PTPRO: variants seen among roughly 807,000 people sequenced by gnomAD.
The protein encoded by PTPRO is receptor-type tyrosine-protein phosphatase O.
A neutral mutation model predicts 145.2 loss-of-function variants in PTPRO; 62 were observed. The ratio of observed to expected loss-of-function variants is 0.43; its 90% CI spans 0.35 to 0.53. PTPRO has a LOEUF of 0.53. PTPRO is among the 20% of genes least tolerant of loss of function. The pLI is 0.01. For synonymous variants in PTPRO, 565 were observed against 514.7 expected, an observed-to-expected ratio of 1.10 and a Z score of -1.32; for missense variants, 1,345 against 1,482.7, an observed-to-expected ratio of 0.91 and a Z score of 1.53.
intron 1 of PTPRO, among the ~76,000 whole-genome samples, chr12:15,399,912 G>A (rs774200188): frequency 5.5e-4 from 83 of 151,168 alleles, no homozygotes; most frequent in Non-Finnish European, 1.0e-3. Context: ...TTAGACGGGC[G>A]TGTTGGCGCA....
chr12:15,331,492 T>G (rs960419753), intron 1 of PTPRO, among the ~76,000 whole-genome samples: 3 of 152,226 alleles, frequency 2.0e-5, no homozygotes, highest in African/African-American at 7.2e-5. Flanking sequence ...TGGATTCCCT[T>G]TTGTTCATCT....
chr12:15,507,442 T>TAAAG (rs1942344647), intron 6 of PTPRO, among the ~76,000 whole-genome samples: 1 of 104,776 alleles, frequency 9.5e-6, no homozygotes, highest in Admixed American at 8.8e-5. Flanking sequence ...AATAAATAAA[T>TAAAG]AAATAAATAA....
chr12:15,398,009 C>T (rs1321869586), intron 1 of PTPRO, among the ~76,000 whole-genome samples: 2 of 152,134 alleles, frequency 1.3e-5, no homozygotes, highest in East Asian at 3.9e-4. Flanking sequence ...CAAGTCAAAA[C>T]CAGTGTCCCC....
chr12:15,370,825 C>T (rs941840407), intron 1 of PTPRO, among the ~76,000 whole-genome samples: 2 of 152,022 alleles, frequency 1.3e-5, no homozygotes, highest in Non-Finnish European at 2.9e-5. Context: ...AAAGCAAATG[C>T]AATTGTACCT....
At position 15,597,759 on chromosome 12, in the gene PTPRO, C is replaced by T. The variant is rs1944686745; in HGVS notation, c.*1686C>T. Among the ~76,000 whole-genome samples, 1 of 152,212 alleles carries T rather than the reference C, an allele frequency of 6.6e-6. No homozygotes were observed. Among genetic ancestry groups the T allele is most frequent in the Admixed American group, 6.5e-5 (1 of 15,284 alleles). On this transcript the variant is annotated 3_prime_UTR_variant, in exon 27 of 27. Coordinates refer to ENST00000281171, the MANE Select transcript of PTPRO (RefSeq NM_030667.3). Reference sequence around the variant, plus strand: ...GGGGTTGTCAGTTCCTACTCACCTCCCTGCTACCACCTCCTCCTCTTCTTC... The same window carrying T: ...GGGGTTGTCAGTTCCTACTCACCTCTCTGCTACCACCTCCTCCTCTTCTTC...
intron 1 of PTPRO, chr12:15,346,624 G>T (rs919546595): frequency 6.6e-6 from 1 of 152,182 alleles, no homozygotes; most frequent in African/African-American, 2.4e-5. Context: ...ATACCGAATG[G>T]TCTATTTGGT....
chr12:15,412,212 C>T (rs1392100324), intron 1 of PTPRO, among the ~76,000 whole-genome samples: 1 of 152,080 alleles, frequency 6.6e-6, no homozygotes, highest in Admixed American at 6.5e-5. Context: ...CTAAGGGCTA[C>T]TCCTCCTTTT....
chr12:15,530,114 T>C (rs531259829), intron 12 of PTPRO, among the ~76,000 whole-genome samples: 1 of 152,170 alleles, frequency 6.6e-6, no homozygotes, highest in Non-Finnish European at 1.5e-5. Flanking sequence ...AAATCTAGAA[T>C]TGTAAAAACA....
At chr12:15,445,135 T>C (rs1940868558) in intron 1 of PTPRO, among the ~76,000 whole-genome samples, 1 of 152,154 alleles carries the variant, frequency 6.6e-6, no homozygotes, top group Non-Finnish European at 1.5e-5. Flanking sequence ...CCCACTTTTA[T>C]TAAAGAACAA....
intron 1 of PTPRO, among the ~76,000 whole-genome samples, chr12:15,361,048 T>C (rs868205584): frequency 2.0e-5 from 3 of 150,998 alleles, no homozygotes; most frequent in Admixed American, 1.3e-4. Flanking sequence ...CATATACAAA[T>C]ATAAGAGAAA....
intron 7 of PTPRO, among the ~76,000 whole-genome samples, chr12:15,512,597 A>C (rs1942465121): frequency 6.6e-6 from 1 of 152,262 alleles, no homozygotes; most frequent in Non-Finnish European, 1.5e-5. Context: ...TTTTACAATA[A>C]GCATATATGT....
At chr12:15,551,760 AT>A in intron 15 of PTPRO, 89 bp downstream of exon 15, 2 of 1,402,628 alleles carry the variant, frequency 1.4e-6, no homozygotes, top group Non-Finnish European at 2.0e-6. Flanking sequence ...CCTAAGTTGT[AT>A]AGCGGTATAT....
At chr12:15,536,445 G>A (rs1943067337) in intron 12 of PTPRO, among the ~76,000 whole-genome samples, 1 of 152,196 alleles carries the variant, frequency 6.6e-6, no homozygotes, top group South Asian at 2.1e-4. Flanking sequence ...AGTGTTCCTG[G>A]CAAGTTCAAG....
chr12:15,434,335 T>TCTA (rs1940536446), intron 1 of PTPRO, among the ~76,000 whole-genome samples: 1 of 152,204 alleles, frequency 6.6e-6, no homozygotes, highest in Non-Finnish European at 1.5e-5. Context: ...ACACTTTGGT[T>TCTA]TTCATACACA....
intron 15 of PTPRO, among the ~76,000 whole-genome samples, chr12:15,555,837 A>G (rs1230639009): frequency 6.6e-6 from 1 of 152,236 alleles, no homozygotes; most frequent in Non-Finnish European, 1.5e-5. Flanking sequence ...CTATATTGAA[A>G]TATGATAATC....
rs759616306 is a variant in PTPRO, at chr12:15,578,892, G to T, written c.2869G>T (p.Ala957Ser). 4.4e-6 allele frequency: 7 copies of T among 1,608,046 alleles called. No homozygotes were observed. The highest frequency in any genetic ancestry group is 2.2e-5 in the East Asian group (1 of 44,832). Residue 957 changes from alanine (A) to serine (S), a missense_variant, in exon 20 of 27, where the codon GCA (alanine) becomes TCA (serine). This residue lies in a region of PTPRO where 1,130 missense variants were observed against 1,214.7 expected (regional missense o/e 0.93). Coordinates refer to ENST00000281171, the MANE Select transcript of PTPRO (RefSeq NM_030667.3). ...LIGLDIPHFA[A>S]DLPLNRCKNR... Reference sequence around the variant, plus strand: ...TGGACTGGATATCCCACACTTTGCTGCAGATCTTCCACTGAATCGATGTAA... The same window carrying T: ...TGGACTGGATATCCCACACTTTGCTTCAGATCTTCCACTGAATCGATGTAA...
At chr12:15,578,310 G>A (rs1032661238) in intron 19 of PTPRO, among the ~76,000 whole-genome samples, 4 of 152,000 alleles carry the variant, frequency 2.6e-5, no homozygotes, top group Non-Finnish European at 4.4e-5. Context: ...AATCTGAAAT[G>A]CATTTTTATT....
intron 22 of PTPRO, 79 bp from the exon 23 acceptor site, chr12:15,581,600 C>A (rs925531384): frequency 6.6e-7 from 1 of 1,525,176 alleles, no homozygotes; most frequent in Non-Finnish European, 9.1e-7. Context: ...AGGCGAATAC[C>A]TTTGTTTTCC....
chr12:15,552,322 A>G (rs1216224591), intron 15 of PTPRO, among the ~76,000 whole-genome samples: 2 of 152,170 alleles, frequency 1.3e-5, no homozygotes, highest in Middle Eastern at 3.2e-3. Context: ...ATAATCTATC[A>G]ATTCCCTTAA....
Sources: allele counts gnomAD v4.1 joint callset (sites outside exome capture counted in the v4.1 genomes callset), GRCh38; gene constraint gnomAD v4.1.1; regional missense constraint gnomAD v4.1.1; transcripts MANE v1.5; gene names NCBI Gene and HGNC (gene_info 2026-07-23, HGNC 2026-07-21).